Variants in CEP112 observed in about 807,000 individuals in gnomAD.
CEP112 encodes the protein centrosomal protein 112, also known as centrosomal protein of 112 kDa.
A neutral mutation model predicts 153.0 loss-of-function variants in CEP112; 127 were observed. That is an observed-to-expected ratio of 0.83 (90% CI 0.72 to 0.96). CEP112 has a LOEUF of 0.96. Ranked by LOEUF, CEP112 falls within the 40% of genes least tolerant of loss-of-function variation. The pLI, the probability that CEP112 is intolerant of heterozygous loss-of-function variation, is 0.00. For synonymous variants in CEP112, 358 were observed against 374.4 expected (o/e 0.96, Z 0.51); for missense variants, 1,089 against 1,101.2 (o/e 0.99, Z 0.16).
At chr17:66,144,335 T>C (rs2070831966) in intron 4 of CEP112, among the ~76,000 whole-genome samples, 1 of 152,184 alleles carries the variant, frequency 6.6e-6, no homozygotes, top group South Asian at 2.1e-4. Context: ...ATGTACATGT[T>C]TATGTCTCGC....
chr17:66,058,227 T>G (rs1048827312), intron 11 of CEP112, among the ~76,000 whole-genome samples: 1 of 152,172 alleles, frequency 6.6e-6, no homozygotes, highest in African/African-American at 2.4e-5. Flanking sequence ...GCCTCTTCTC[T>G]TCAAATACCT....
intron 24 of CEP112, among the ~76,000 whole-genome samples, chr17:65,673,169 T>C (rs571411854): frequency 2.6e-5 from 4 of 152,236 alleles, no homozygotes; most frequent in African/African-American, 9.6e-5. Context: ...CAGAATTCAC[T>C]TCCTTGGCAC....
rs1400930588 is a variant in CEP112, at chr17:65,937,350, G to A, written c.1873-9661C>T. On this transcript the variant is annotated intron_variant, in intron 18 of 26. Coordinates refer to ENST00000535342, the MANE Select transcript of CEP112 (RefSeq NM_001199165.4). ...AAGTGAGGAGCGCCTCTTCCCGGCC[G>A]CCATCCCATCTAGGAAGTGAGGAGC... 7.0e-5 allele frequency among the ~76,000 whole-genome samples: 8 copies of A among 113,602 alleles called. 1 individual carries two copies. Among genetic ancestry groups the A allele is most frequent in the African/African-American group, 1.7e-4 (5 of 29,564 alleles). 74.5% of individuals were successfully genotyped at this position (113,602 alleles called of 152,430 possible).
At chr17:65,967,319 T>C (rs966389709) in intron 17 of CEP112, among the ~76,000 whole-genome samples, 4 of 152,208 alleles carry the variant, frequency 2.6e-5, no homozygotes, top group Non-Finnish European at 5.9e-5. Flanking sequence ...TATAAATCTA[T>C]GACGCCAACT....
chr17:65,858,307 A>G (rs7211723), intron 20 of CEP112, among the ~76,000 whole-genome samples: 1 of 151,942 alleles, frequency 6.6e-6, no homozygotes. Context: ...ATTTTTATAG[A>G]ACTCACCTGT....
intron 19 of CEP112, among the ~76,000 whole-genome samples, chr17:65,922,046 T>G (rs1453111067): frequency 6.6e-6 from 1 of 152,170 alleles, no homozygotes; most frequent in African/African-American, 2.4e-5. Context: ...TTCATGACTC[T>G]TGGTAGAATC....
At chr17:65,931,943 G>T (rs1306658365) in intron 18 of CEP112, among the ~76,000 whole-genome samples, 1 of 152,186 alleles carries the variant, frequency 6.6e-6, no homozygotes, top group East Asian at 1.9e-4. Context: ...CAACCCCAGA[G>T]ACCTTGACAG....
intron 19 of CEP112, among the ~76,000 whole-genome samples, chr17:65,926,341 C>A (rs1363197851): frequency 6.6e-6 from 1 of 152,200 alleles, no homozygotes; most frequent in Non-Finnish European, 1.5e-5. Context: ...AAACCCTGAT[C>A]AGTTATTCAA....
chr17:65,659,380 TCTCC>T (rs2046232803), intron 24 of CEP112, among the ~76,000 whole-genome samples: 1 of 152,140 alleles, frequency 6.6e-6, no homozygotes, highest in South Asian at 2.1e-4. Flanking sequence ...AATCTAAACC[TCTCC>T]CTCAAAGTAC....
At chr17:66,176,322 C>G (rs1568580668) in intron 3 of CEP112, among the ~76,000 whole-genome samples, 1 of 152,128 alleles carries the variant, frequency 6.6e-6, no homozygotes, top group Non-Finnish European at 1.5e-5. Flanking sequence ...ATCCACCAAG[C>G]ATAATAATAA....
intron 21 of CEP112, among the ~76,000 whole-genome samples, chr17:65,752,294 T>C (rs375076071): frequency 1.1e-4 from 17 of 152,222 alleles, no homozygotes; most frequent in South Asian, 4.1e-4. Flanking sequence ...ATCTTGCATA[T>C]ATGTATGGGT....
intron 21 of CEP112, among the ~76,000 whole-genome samples, chr17:65,830,313 A>T (rs1479074233): frequency 3.9e-5 from 6 of 152,218 alleles, no homozygotes; most frequent in South Asian, 2.1e-4. Flanking sequence ...GGTAAGAGAA[A>T]TATTCATGTT....
chr17:66,180,977 A>C (rs1568587385), intron 2 of CEP112, among the ~76,000 whole-genome samples: 1 of 152,310 alleles, frequency 6.6e-6, no homozygotes, highest in East Asian at 1.9e-4. Flanking sequence ...ACTTCATGAA[A>C]TATTGGGAAC....
intron 23 of CEP112, among the ~76,000 whole-genome samples, chr17:65,737,662 C>T (rs990274965): frequency 2.0e-5 from 3 of 152,178 alleles, no homozygotes; most frequent in Admixed American, 6.5e-5. Flanking sequence ...CTGGCTTGTG[C>T]GCCAGCTCTG....
At chr17:65,927,772 T>C in intron 18 of CEP112, 83 bp from the exon 19 acceptor site, 1 of 779,996 alleles carries the variant, frequency 1.3e-6, no homozygotes. Flanking sequence ...TTTGTTTAAA[T>C]GACAGATTTT....
At chr17:65,637,854 A>G (rs2044860665) in intron 25 of CEP112, among the ~76,000 whole-genome samples, 1 of 152,212 alleles carries the variant, frequency 6.6e-6, no homozygotes, top group African/African-American at 2.4e-5. Context: ...GAATGAATGA[A>G]TGAGTGAGTG....
intron 24 of CEP112, chr17:65,688,911 G>C: frequency 2.7e-6 from 1 of 365,212 alleles, no homozygotes; most frequent in Non-Finnish European, 5.0e-6. Context: ...GGGATTACAG[G>C]CACCTGCCAC....
At chr17:66,133,394 A>C (rs1445858786) in intron 4 of CEP112, among the ~76,000 whole-genome samples, 1 of 152,208 alleles carries the variant, frequency 6.6e-6, no homozygotes, top group Non-Finnish European at 1.5e-5. Context: ...CAAAACCTTC[A>C]TGTAGTTTAA....
chr17:66,087,469 A>C (rs1294728505), intron 8 of CEP112, among the ~76,000 whole-genome samples: 1 of 152,214 alleles, frequency 6.6e-6, no homozygotes, highest in Non-Finnish European at 1.5e-5. Flanking sequence ...ATTCAAAACA[A>C]GAGCTCAAAG....
Sources: allele counts gnomAD v4.1 joint callset (sites outside exome capture counted in the v4.1 genomes callset), GRCh38; gene constraint gnomAD v4.1.1; transcripts MANE v1.5; gene names NCBI Gene and HGNC (gene_info 2026-07-23, HGNC 2026-07-21).